The following KLRB1 variants were observed in gnomAD, a reference collection of about 807,000 sequenced individuals.
KLRB1 encodes the protein killer cell lectin like receptor B1, also known as killer cell lectin-like receptor subfamily B member 1.
KLRB1 carries 27 observed loss-of-function variants against 33.5 expected under a neutral mutation model. The ratio of observed to expected loss-of-function variants is 0.81; its 90% CI spans 0.59 to 1.11. The LOEUF is 1.11. Among genes scored for constraint, KLRB1 ranks in the 50% most tolerant of loss-of-function variants. The pLI, the probability that KLRB1 is intolerant of heterozygous loss-of-function variation, is 0.00. For synonymous variants in KLRB1, 64 were observed against 88.9 expected, an observed-to-expected ratio of 0.72 and a Z score of 1.58; for missense variants, 241 against 254.1, an observed-to-expected ratio of 0.95 and a Z score of 0.35.
intron 5 of KLRB1, 150 bp downstream of exon 5, chr12:9,597,896 A>T (rs898903422): frequency 3.2e-5 from 17 of 530,506 alleles, no homozygotes; most frequent in Non-Finnish European, 6.6e-6. Context: ...TTTCCAACCA[A>T]CTTTGAAATC....
intron 1 of KLRB1, among the ~76,000 whole-genome samples, chr12:9,607,335 C>CCTTTCTTTCTTTCTTCCTTCCTTTCTTT (rs1565444534): frequency 2.5e-4 from 16 of 65,268 alleles, no homozygotes; most frequent in African/African-American, 6.7e-4. Flanking sequence ...CTCTTTCTTT[C>CCTTTCTTTCTTTCTTCCTTCCTTTCTTT]CTTTCTTTCT....
rs1864482426 is a variant in KLRB1, at chr12:9,595,283, A to G, written c.669T>C (p.Pro223=). The G allele has an allele frequency of 6.2e-7, 1 of 1,613,054 alleles. No individual in the cohort carries two copies. The highest frequency in any genetic ancestry group is 1.1e-5 in the South Asian group (1 of 91,064). Reference sequence around the variant, plus strand: ...GAGATGGGATTCATAGTCAAGAGTCAGGATACACTTTATTTCTCACAGGTG... The same window carrying G: ...GAGATGGGATTCATAGTCAAGAGTCGGGATACACTTTATTTCTCACAGGTG... ...ELTPVRNKVY[P]DS is the part of the protein sequence containing the mutation. Residue 223 remains proline, a synonymous_variant, in exon 6 of 6, where the codon CCT becomes CCC. Transcript: ENST00000229402.
intron 1 of KLRB1, among the ~76,000 whole-genome samples, chr12:9,607,413 C>CTTTCT: frequency 1.4e-5 from 1 of 70,586 alleles, no homozygotes; most frequent in Non-Finnish European, 3.4e-5. Flanking sequence ...TCTTTTCTTT[C>CTTTCT]TTTCTTTCTT....
At chr12:9,597,949 C>G (rs1438997606) in intron 5 of KLRB1, 97 bp downstream of exon 5, 6 of 656,288 alleles carry the variant, frequency 9.1e-6, no homozygotes, top group Non-Finnish European at 1.6e-5. Context: ...AGTTTTTAAA[C>G]CAAATTAAAA....
intron 1 of KLRB1, among the ~76,000 whole-genome samples, chr12:9,607,307 T>TC (rs1555097732): frequency 0.09 from 10,863 of 121,162 alleles, 1,160 homozygotes; most frequent in Non-Finnish European, 0.14. Context: ...TCTCCTTTCT[T>TC]TCTTTCTTCT....
chr12:9,606,582 T>A (rs1207409371), intron 1 of KLRB1: 1 of 149,980 alleles, frequency 6.7e-6, no homozygotes, highest in Non-Finnish European at 1.5e-5. Context: ...TTGAATATGA[T>A]TTTTTTTCCA....
At position 9,595,289 on chromosome 12, in the gene KLRB1, C is replaced by T. The variant is rs758876850; in HGVS notation, c.663G>A (p.Val221=). The T allele has an allele frequency of 5.0e-6, 8 of 1,613,302 alleles. No individual in the cohort carries two copies. The highest frequency in any genetic ancestry group is 1.7e-4 in the Middle Eastern group (1 of 6,048). The change falls in exon 6 of 6, where the codon GTG becomes GTA. Residue 221 remains valine (V), a synonymous_variant. Transcript: ENST00000229402. The stretch of plus-strand genomic sequence containing the variant: ...GGATTCATAGTCAAGAGTCAGGATA[C>T]ACTTTATTTCTCACAGGTGTTAGTT... The part of the protein sequence containing the change: ...QKELTPVRNK[V]YPDS
intron 2 of KLRB1, among the ~76,000 whole-genome samples, chr12:9,600,938 T>C (rs892852028): frequency 6.6e-5 from 10 of 151,642 alleles, no homozygotes; most frequent in Admixed American, 2.6e-4. Context: ...CCTCTTTCAG[T>C]TGAGACAAGA....
intron 1 of KLRB1, among the ~76,000 whole-genome samples, chr12:9,602,128 C>G (rs1864553111): frequency 6.6e-6 from 1 of 152,160 alleles, no homozygotes; most frequent in Admixed American, 6.5e-5. Flanking sequence ...CAAGTTGGGT[C>G]TAAGCCAACT....
At chr12:9,607,332 T>TTCTTTTCTTTCTCTTTC (rs1555097748) in intron 1 of KLRB1, among the ~76,000 whole-genome samples, 1 of 58,622 alleles carries the variant, frequency 1.7e-5, no homozygotes. Context: ...TTTCTCTTTC[T>TTCTTTTCTTTCTCTTTC]TTCCTTTCTT....
At chr12:9,607,633 G>T (rs371449996) in intron 1 of KLRB1, 122 bp downstream of exon 1, 3 of 674,896 alleles carry the variant, frequency 4.4e-6, no homozygotes, top group Admixed American at 2.7e-5. Context: ...TGCAACACCC[G>T]TTAAACATTA....
intron 3 of KLRB1, 124 bp downstream of exon 3, chr12:9,599,643 T>C: frequency 1.4e-6 from 1 of 736,860 alleles, no homozygotes; most frequent in Admixed American, 2.2e-5. Context: ...AATTTTCTAA[T>C]CCAGAAAAGC....
intron 1 of KLRB1, among the ~76,000 whole-genome samples, chr12:9,606,015 A>T (rs1228231709): frequency 7.4e-6 from 1 of 135,876 alleles, no homozygotes; most frequent in Non-Finnish European, 1.5e-5. Context: ...TCTTTTCTTT[A>T]AAAAAAAATG....
intron 2 of KLRB1, among the ~76,000 whole-genome samples, chr12:9,600,121 A>T (rs1864524964): frequency 1.3e-5 from 2 of 152,170 alleles, no homozygotes. Flanking sequence ...AAGCTCTTAA[A>T]TTGCCTACAG....
At chr12:9,600,883 G>GT (rs1260879003) in intron 2 of KLRB1, among the ~76,000 whole-genome samples, 1 of 151,892 alleles carries the variant, frequency 6.6e-6, no homozygotes, top group Non-Finnish European at 1.5e-5. Flanking sequence ...CCCGACACCC[G>GT]TAAAGGTTCT....
intron 5 of KLRB1, among the ~76,000 whole-genome samples, chr12:9,596,390 C>G (rs1038309294): frequency 6.6e-6 from 1 of 152,076 alleles, no homozygotes; most frequent in Non-Finnish European, 1.5e-5. Context: ...CCAATCTGGC[C>G]AAGTCAACAA....
chr12:9,599,076 A>G (rs1411264755), intron 3 of KLRB1, among the ~76,000 whole-genome samples: 1 of 152,230 alleles, frequency 6.6e-6, no homozygotes, highest in Non-Finnish European at 1.5e-5. Context: ...TGTAAAAAGT[A>G]CTGACTTTAA....
intron 1 of KLRB1, among the ~76,000 whole-genome samples, chr12:9,602,373 A>G (rs1864555669): frequency 2.0e-5 from 3 of 152,130 alleles, no homozygotes; most frequent in Non-Finnish European, 4.4e-5. Flanking sequence ...AACTTTATCA[A>G]TGTATTTTGC....
chr12:9,598,718 A>T (rs1864514924), intron 3 of KLRB1, 65 bp from the exon 4 acceptor site: 2 of 1,091,122 alleles, frequency 1.8e-6, no homozygotes. Flanking sequence ...ACACACCACA[A>T]CCAATCACAC....
Sources: gnomAD v4.1 joint callset for allele counts (sites outside exome capture counted in the v4.1 genomes callset) on GRCh38, gnomAD v4.1.1 for gene constraint, MANE v1.5 for transcripts, NCBI Gene and HGNC (gene_info 2026-07-23, HGNC 2026-07-21) for gene names.